The following EGFLAM variants were observed in gnomAD, a reference collection of about 807,000 sequenced individuals.
The protein encoded by EGFLAM is pikachurin.
Under a neutral mutation model 113.1 loss-of-function variants are expected in EGFLAM, and 79 were observed. The observed-to-expected ratio is 0.70, with a 90% CI of 0.58 to 0.84. The LOEUF (loss-of-function observed/expected upper bound fraction) is 0.84, where lower values mean the gene tolerates loss of function less well. Among genes scored for constraint, EGFLAM ranks in the 40% least tolerant of loss-of-function variants. The probability of loss-of-function intolerance (pLI) is 0.00; values close to 1 mark genes in which losing one functional copy is unlikely to be tolerated. For synonymous variants in EGFLAM, 504 were observed against 487.6 expected (o/e 1.03, Z -0.44); for missense variants, 1,265 against 1,291.6 (o/e 0.98, Z 0.32).
chr5:38,328,046 G>A (rs1015918456), intron 1 of EGFLAM, among the ~76,000 whole-genome samples: 3 of 152,118 alleles, frequency 2.0e-5, no homozygotes, highest in Admixed American at 6.6e-5. Context: ...GTCCGTTCTC[G>A]CACTGCTGTA....
chr5:38,294,638 T>C (rs1718206526), intron 1 of EGFLAM, among the ~76,000 whole-genome samples: 1 of 152,068 alleles, frequency 6.6e-6, no homozygotes. Context: ...GATGCTCCCA[T>C]ACATCATCAT....
chr5:38,271,103 T>A (rs1250786041), intron 1 of EGFLAM, among the ~76,000 whole-genome samples: 1 of 151,988 alleles, frequency 6.6e-6, no homozygotes, highest in African/African-American at 2.4e-5. Flanking sequence ...GGAGTCAGTT[T>A]TGAGTTTAAT....
chr5:38,268,425 C>T (rs1018967604), intron 1 of EGFLAM, among the ~76,000 whole-genome samples: 15 of 151,896 alleles, frequency 9.9e-5, no homozygotes, highest in Non-Finnish European at 2.2e-4. Context: ...TTTTCTGTGC[C>T]AAATCAGAAT....
chr5:38,421,962 G>T (rs1741838291), intron 12 of EGFLAM, among the ~76,000 whole-genome samples: 2 of 152,140 alleles, frequency 1.3e-5, no homozygotes. Flanking sequence ...ACCAGCTGAG[G>T]TCTATTGCAG....
Position 38,407,129 on chromosome 5 carries a change from G to A in EGFLAM, c.1130G>A (p.Gly377Asp). ...TGCCAGTGCACCCTGGGCAAAGGTG[G>A]TGAGAGCTGCTCAGAAGGTAGGCCC... ...SRCQCTLGKGGESCSEDIVIQ... is the reference protein window; with the variant it reads ...SRCQCTLGKGDESCSEDIVIQ... Residue 377 changes from glycine (G) to aspartate (D), a missense_variant, in exon 8 of 22, where the codon GGT (glycine) becomes GAT (aspartate). Transcript: ENST00000322350. 1 of 1,613,374 alleles carries A rather than the reference G, an allele frequency of 6.2e-7. No individual in the cohort carries two copies. The highest frequency in any genetic ancestry group is 8.5e-7 in the Non-Finnish European group (1 of 1,179,994).
At chr5:38,277,670 C>T (rs1288803685) in intron 1 of EGFLAM, among the ~76,000 whole-genome samples, 1 of 151,994 alleles carries the variant, frequency 6.6e-6, no homozygotes, top group African/African-American at 2.4e-5. Context: ...CCGTAGATGC[C>T]ACTAAAAAAC....
intron 1 of EGFLAM, among the ~76,000 whole-genome samples, chr5:38,307,162 T>C (rs1437275793): frequency 6.6e-6 from 1 of 152,244 alleles, no homozygotes; most frequent in Non-Finnish European, 1.5e-5. Context: ...AATAATATCA[T>C]TATTTTAAGC....
intron 6 of EGFLAM, 93 bp from the exon 7 acceptor site, chr5:38,406,033 T>C: frequency 1.0e-6 from 1 of 967,986 alleles, no homozygotes; most frequent in African/African-American, 1.6e-5. Context: ...CTGCGTTCCA[T>C]TCGGTACAGC....
intron 1 of EGFLAM, among the ~76,000 whole-genome samples, chr5:38,310,948 G>C (rs1482909978): frequency 6.6e-6 from 1 of 151,878 alleles, no homozygotes; most frequent in Non-Finnish European, 1.5e-5. Context: ...GAGATGCAGG[G>C]GTCAGCACCT....
At chr5:38,453,242 A>G (rs1229771329) in intron 19 of EGFLAM, among the ~76,000 whole-genome samples, 1 of 152,162 alleles carries the variant, frequency 6.6e-6, no homozygotes. Flanking sequence ...TTGGACTTCT[A>G]CTTCTTAATT....
At chr5:38,325,926 T>A (rs901711225) in intron 1 of EGFLAM, among the ~76,000 whole-genome samples, 2 of 151,886 alleles carry the variant, frequency 1.3e-5, no homozygotes, top group East Asian at 3.9e-4. Flanking sequence ...TTATAATAAT[T>A]ATAGAACTAC....
chr5:38,397,633 T>C (rs572516641), intron 6 of EGFLAM, among the ~76,000 whole-genome samples: 1 of 152,204 alleles, frequency 6.6e-6, no homozygotes, highest in South Asian at 2.1e-4. Flanking sequence ...ACCTGAGCTG[T>C]TTGCTCACCA....
intron 5 of EGFLAM, 109 bp from the exon 6 acceptor site, chr5:38,370,186 AC>A: frequency 9.0e-7 from 1 of 1,109,974 alleles, no homozygotes; most frequent in Non-Finnish European, 1.3e-6. Context: ...ACTTACTTTT[AC>A]AAGTATTGCT....
chr5:38,458,664 A>G (rs866114275), intron 20 of EGFLAM, among the ~76,000 whole-genome samples: 4 of 152,142 alleles, frequency 2.6e-5, no homozygotes, highest in Non-Finnish European at 1.5e-5. Flanking sequence ...AAGAACCTTG[A>G]GAGTTCAGTG....
intron 1 of EGFLAM, among the ~76,000 whole-genome samples, chr5:38,304,126 T>A (rs62353571): frequency 3.6e-4 from 35 of 96,190 alleles, no homozygotes; most frequent in Non-Finnish European, 6.2e-4. Context: ...CAAAACTCCA[T>A]TAAAAAAAAA....
chr5:38,423,577 G>C (rs1363029458), intron 12 of EGFLAM, among the ~76,000 whole-genome samples: 1 of 152,210 alleles, frequency 6.6e-6, no homozygotes, highest in East Asian at 1.9e-4. Flanking sequence ...ACAACCCACA[G>C]AAATTGGCGG....
In EGFLAM at chr5:38,424,853, A is replaced by G; in HGVS notation, c.1685-114A>G. The G allele has an allele frequency of 2.9e-6, 4 of 1,392,028 alleles. No individual in the cohort carries two copies. In the South Asian group the frequency reaches 6.4e-5, roughly 22 times the overall value. The allele number at this position is 1,392,028 out of a possible 1,614,324, so 86.2% of individuals were successfully genotyped here. A position where few individuals can be genotyped will look rare whatever the true frequency, so the allele number is the denominator to read the frequency against. On this transcript the variant is annotated intron_variant, in intron 12 of 21. Transcript: ENST00000322350. Reference sequence around the variant, plus strand: ...TTGTGCAGAGCTGCAAATCAACAGGAGTAAGAACTGAAATGTATTTATTCA... The same window carrying G: ...TTGTGCAGAGCTGCAAATCAACAGGGGTAAGAACTGAAATGTATTTATTCA...
At chr5:38,435,857 GC>G (rs1328342781) in intron 16 of EGFLAM, among the ~76,000 whole-genome samples, 1 of 119,358 alleles carries the variant, frequency 8.4e-6, no homozygotes, top group Admixed American at 1.2e-4. Context: ...TCGCTCTGTC[GC>G]CCAGGCTGTA....
intron 6 of EGFLAM, among the ~76,000 whole-genome samples, chr5:38,393,145 G>T (rs2112091560): frequency 6.6e-6 from 1 of 152,102 alleles, no homozygotes; most frequent in South Asian, 2.1e-4. Context: ...AAAATATATT[G>T]AATTTTAAAA....
Sources: allele counts gnomAD v4.1 joint callset (sites outside exome capture counted in the v4.1 genomes callset), GRCh38; gene constraint gnomAD v4.1.1; transcripts MANE v1.5; gene names NCBI Gene and HGNC (gene_info 2026-07-23, HGNC 2026-07-21).